The following MSRA variants were observed in gnomAD, a reference collection of about 807,000 sequenced individuals.
The protein encoded by MSRA is methionine sulfoxide reductase A.
In MSRA, 54 loss-of-function variants were observed where a neutral mutation model predicts 31.3. The observed-to-expected ratio is 1.73, with a 90% CI of 1.39 to 2.17. The LOEUF (loss-of-function observed/expected upper bound fraction) is 2.17, where lower values mean the gene tolerates loss of function less well. Ranked by LOEUF, MSRA falls within the 30% of genes most tolerant of loss-of-function variation. The pLI, the probability that MSRA is intolerant of heterozygous loss-of-function variation, is 0.00. For missense variants in MSRA, 507 were observed against 300.9 expected, an observed-to-expected ratio of 1.69 and a Z score of -5.07; for synonymous variants, 169 against 116.5, an observed-to-expected ratio of 1.45 and a Z score of -2.90.
chr8:10,421,548 G>C (rs1486736058), intron 5 of MSRA, among the ~76,000 whole-genome samples: 3 of 152,050 alleles, frequency 2.0e-5, no homozygotes, highest in African/African-American at 7.2e-5. Context: ...CGGGCACTTG[G>C]AGAATCTCGG....
At chr8:10,301,429 A>C in intron 3 of MSRA, 105 bp from the exon 4 acceptor site, 1 of 781,848 alleles carries the variant, frequency 1.3e-6, no homozygotes. Flanking sequence ...CTTCCTTCAC[A>C]GGGTAGAGTT....
intron 3 of MSRA, among the ~76,000 whole-genome samples, chr8:10,266,350 T>C (rs966546361): frequency 5.3e-5 from 8 of 152,248 alleles, no homozygotes; most frequent in Admixed American, 1.3e-4. Context: ...GACCGAATTA[T>C]ATTATTTTGT....
intron 1 of MSRA, among the ~76,000 whole-genome samples, chr8:10,110,709 C>G (rs1302509835): frequency 1.3e-5 from 2 of 152,238 alleles, no homozygotes; most frequent in East Asian, 3.8e-4. Context: ...CCCAGGCTGG[C>G]TGACCTGTGC....
intron 3 of MSRA, among the ~76,000 whole-genome samples, chr8:10,297,501 A>T (rs2129122471): frequency 6.6e-6 from 1 of 152,332 alleles, no homozygotes; most frequent in Admixed American, 6.5e-5. Flanking sequence ...AGCACAAGAA[A>T]GTATTTGCAG....
chr8:10,317,911 C>T (rs1801819291), intron 4 of MSRA, among the ~76,000 whole-genome samples: 1 of 152,138 alleles, frequency 6.6e-6, no homozygotes, highest in Non-Finnish European at 1.5e-5. Flanking sequence ...CTCTGGTCCC[C>T]ACCGTGACTT....
At chr8:10,061,552 C>T (rs556049) in intron 1 of MSRA, among the ~76,000 whole-genome samples, 32,425 of 152,066 alleles carry the variant, frequency 0.21, 3,658 homozygotes, top group Admixed American at 0.3. Context: ...CATCTCCCCA[C>T]GTAGTGAGCT....
chr8:10,267,727 C>T (rs559045564), intron 3 of MSRA, among the ~76,000 whole-genome samples: 6 of 152,240 alleles, frequency 3.9e-5, no homozygotes, highest in East Asian at 1.9e-4. Flanking sequence ...TAGTCTCTCC[C>T]GACACCAATT....
At chr8:10,098,901 C>T (rs969222103) in intron 1 of MSRA, among the ~76,000 whole-genome samples, 1 of 152,196 alleles carries the variant, frequency 6.6e-6, no homozygotes, top group Non-Finnish European at 1.5e-5. Context: ...GTGGCTGCAA[C>T]GTAAACAACA....
chr8:10,250,191 T>C lies in MSRA; in HGVS notation c.331+4968T>C, dbSNP rs550066288. Among the ~76,000 whole-genome samples, 9 of 152,276 alleles carry C rather than the reference T, an allele frequency of 5.9e-5. No homozygotes were observed. The South Asian group carries it at 1.9e-3, about 32-fold the overall frequency. The stretch of plus-strand genomic sequence containing the variant: ...ACTGGCATGCTGTTGCTTTACTACA[T>C]TGATTTTAGAAGTAATTGAGCTATT... On this transcript the variant is annotated intron_variant, in intron 3 of 5. Transcript: ENST00000317173.
chr8:10,210,699 A>G (rs972317668), intron 2 of MSRA, among the ~76,000 whole-genome samples: 59 of 151,802 alleles, frequency 3.9e-4, no homozygotes, highest in Admixed American at 2.5e-3. Context: ...GGAGGTCTTC[A>G]TATTTTGTGA....
chr8:10,100,146 G>A (rs971066903), intron 1 of MSRA, among the ~76,000 whole-genome samples: 5 of 152,188 alleles, frequency 3.3e-5, no homozygotes, highest in East Asian at 1.9e-4. Context: ...ATCAGCAACC[G>A]CAGGCGTTGA....
rs147712088 is a variant in MSRA, at chr8:10,274,227, A to T, written c.332-27307A>T. 7.9e-4 allele frequency among the ~76,000 whole-genome samples: 120 copies of T among 152,338 alleles called. 3 individuals carry two copies. The South Asian group carries it at 0.017, about 21-fold the overall frequency. ...TAACATGCTAGTGTAGTTAAATTCC[A>T]GACAGTATGTAAAAGGCTTGGGTAT... is the stretch of plus-strand genomic sequence containing the variant. On this transcript the variant is annotated intron_variant, in intron 3 of 5. Transcript: ENST00000317173.
intron 1 of MSRA, among the ~76,000 whole-genome samples, chr8:10,073,888 G>C (rs559845747): frequency 1.3e-5 from 2 of 151,666 alleles, no homozygotes; most frequent in African/African-American, 4.8e-5. Flanking sequence ...CTTCTTTCCT[G>C]CCTTGATTCT....
At chr8:10,079,931 A>G (rs768660188) in intron 1 of MSRA, among the ~76,000 whole-genome samples, 5 of 152,200 alleles carry the variant, frequency 3.3e-5, no homozygotes, top group Non-Finnish European at 7.3e-5. Flanking sequence ...CGAAGTTCCT[A>G]GAGGCTCTTT....
At chr8:10,217,291 C>G (rs990565181) in intron 2 of MSRA, among the ~76,000 whole-genome samples, 1 of 152,194 alleles carries the variant, frequency 6.6e-6, no homozygotes, top group African/African-American at 2.4e-5. Flanking sequence ...GAGCGGCGCG[C>G]AAGTCTCGTG....
chr8:10,154,351 G>A (rs1381746375), intron 1 of MSRA, among the ~76,000 whole-genome samples: 4 of 151,988 alleles, frequency 2.6e-5, no homozygotes, highest in African/African-American at 7.3e-5. Context: ...AAGGCTGAAG[G>A]ACACATTTGT....
chr8:10,209,439 C>G (rs992514567), intron 2 of MSRA, among the ~76,000 whole-genome samples: 3 of 152,216 alleles, frequency 2.0e-5, no homozygotes, highest in African/African-American at 7.2e-5. Flanking sequence ...AGGGCAGATT[C>G]AGTACCAGAT....
intron 5 of MSRA, among the ~76,000 whole-genome samples, chr8:10,402,436 G>T (rs960510440): frequency 6.6e-6 from 1 of 152,202 alleles, no homozygotes; most frequent in African/African-American, 2.4e-5. Flanking sequence ...TCCACTTGCA[G>T]CTCCCACTCA....
intron 1 of MSRA, among the ~76,000 whole-genome samples, chr8:10,080,639 A>C (rs950506385): frequency 2.6e-5 from 4 of 151,082 alleles, no homozygotes; most frequent in East Asian, 1.9e-4. Context: ...AATCCTCCCA[A>C]CTCAGCCTCC....
Sources: gnomAD v4.1 joint callset for allele counts (sites outside exome capture counted in the v4.1 genomes callset) on GRCh38, gnomAD v4.1.1 for gene constraint, MANE v1.5 for transcripts, NCBI Gene and HGNC (gene_info 2026-07-23, HGNC 2026-07-21) for gene names.